Variants in CACNA1H observed in about 807,000 individuals in gnomAD.
CACNA1H encodes the protein calcium voltage-gated channel subunit alpha1 H.
A neutral mutation model predicts 192.5 loss-of-function variants in CACNA1H; 149 were observed. The observed-to-expected ratio is 0.77, with a 90% CI of 0.68 to 0.89. CACNA1H has a LOEUF of 0.89. CACNA1H is among the 40% of genes least tolerant of loss of function. CACNA1H has a pLI of 0.00. For missense variants in CACNA1H, 4,257 were observed against 3,423.5 expected (o/e 1.24, Z -6.08); for synonymous variants, 2,202 against 1,475.2 (o/e 1.49, Z -11.29).
chr16:1,194,589 G>A (rs879387794), intron 2 of CACNA1H, among the ~76,000 whole-genome samples: 40 of 152,332 alleles, frequency 2.6e-4, no homozygotes, highest in Non-Finnish European at 5.6e-4. Context: ...GCCCCCCAGC[G>A]CGGGAGCCCT....
In CACNA1H at chr16:1,200,176, C is replaced by A. The variant is rs1052053167; in HGVS notation, c.804-80C>A. 20 of 1,193,330 alleles carry A rather than the reference C, an allele frequency of 1.7e-5. No individual in the cohort carries two copies. The African/African-American group carries it at 2.5e-4, about 15-fold the overall frequency. 73.9% of individuals were successfully genotyped at this position (1,193,330 alleles called of 1,614,324 possible). On this transcript the variant is annotated intron_variant, in intron 6 of 34. Transcript: ENST00000348261. ...TCACGTCCCTGACCTTGATCACGTC[C>A]CTGATCACAATCGTGCCCCCGACTC...
intron 2 of CACNA1H, among the ~76,000 whole-genome samples, chr16:1,184,977 C>T (rs921088383): frequency 5.9e-5 from 9 of 152,186 alleles, no homozygotes; most frequent in Non-Finnish European, 8.8e-5. Flanking sequence ...TGAACCATCA[C>T]CTCTGCCTAG....
chr16:1,157,315 C>T (rs1426164213), intron 2 of CACNA1H: 1 of 152,228 alleles, frequency 6.6e-6, no homozygotes. Flanking sequence ...TCCAAACACC[C>T]CGTGTCACGG....
At chr16:1,188,766 C>T (rs1435828785) in intron 2 of CACNA1H, among the ~76,000 whole-genome samples, 2 of 152,192 alleles carry the variant, frequency 1.3e-5, no homozygotes, top group African/African-American at 4.8e-5. Context: ...CTCTGTGTTT[C>T]CGGCCAGGAG....
intron 26 of CACNA1H, among the ~76,000 whole-genome samples, chr16:1,213,202 G>C (rs1181531253): frequency 1.3e-5 from 2 of 152,204 alleles, no homozygotes; most frequent in African/African-American, 2.4e-5. Flanking sequence ...GAGGTACTTG[G>C]GCTGGTGGCC....
chr16:1,202,990 A>G (rs1968169976), intron 9 of CACNA1H, among the ~76,000 whole-genome samples: 1 of 151,922 alleles, frequency 6.6e-6, no homozygotes, highest in Non-Finnish European at 1.5e-5. Context: ...GGGAGACTCC[A>G]GGGCCCCCAG....
Position 1,198,646 on chromosome 16 carries a change from T to C in CACNA1H, c.675T>C (p.Asp225=). Residue 225 remains aspartate (D), a synonymous_variant, in exon 6 of 35, where the codon GAT becomes GAC. Coordinates refer to ENST00000348261, the MANE Select transcript of CACNA1H (RefSeq NM_021098.3). ...GGATCCTGGTCACTCTGCTGCTGGA[T>C]ACGCTGCCCATGCTCGGGAACGTCC... ...SMRILVTLLL[D]TLPMLGNVLL... The C allele has an allele frequency of 6.2e-7, 1 of 1,613,394 alleles. No individual in the cohort carries two copies. The highest frequency in any genetic ancestry group is 8.5e-7 in the Non-Finnish European group (1 of 1,179,626).
intron 2 of CACNA1H, among the ~76,000 whole-genome samples, chr16:1,178,308 C>T (rs554008179): frequency 7.0e-6 from 1 of 143,012 alleles, no homozygotes; most frequent in Admixed American, 6.9e-5. Context: ...TCCCCCACGG[C>T]CTCCCCAGCC....
intron 2 of CACNA1H, among the ~76,000 whole-genome samples, chr16:1,163,581 C>T (rs1963445815): frequency 1.3e-5 from 2 of 152,256 alleles, no homozygotes; most frequent in African/African-American, 2.4e-5. Flanking sequence ...ACGGTCCCTG[C>T]CCTGGTCTTT....
At position 1,220,103 on chromosome 16, in the gene CACNA1H, C is replaced by T. The variant is rs1394038948; in HGVS notation, c.6171C>T (p.Ser2057=). Residue 2057 remains serine, a synonymous_variant, in exon 35 of 35, where the codon TCC becomes TCT. Transcript: ENST00000348261. ...TGACCCAGGGGGGCTCCCTGCAGTCCCCACCACGCTCCCCACGGCCCGCCA... is the reference window on the plus strand; with the variant it reads ...TGACCCAGGGGGGCTCCCTGCAGTCTCCACCACGCTCCCCACGGCCCGCCA... ...RPVTQGGSLQ[S]PPRSPRPASV... 6.7e-7 allele frequency: 1 copy of T among 1,485,248 alleles called. No homozygotes were observed. Among genetic ancestry groups the T allele is most frequent in the Non-Finnish European group, 8.9e-7 (1 of 1,120,116 alleles). The allele number at this position is 1,485,248 out of a possible 1,614,324, so 92.0% of individuals were successfully genotyped here.
At chr16:1,184,628 G>A (rs1272911107) in intron 2 of CACNA1H, among the ~76,000 whole-genome samples, 3 of 152,264 alleles carry the variant, frequency 2.0e-5, no homozygotes, top group African/African-American at 7.2e-5. Context: ...AGGGTGCCAG[G>A]AGTTGTCACG....
Position 1,211,299 on chromosome 16 carries a change from GT to G in CACNA1H, c.4350+6del. On this transcript the variant is annotated splice_donor_region_variant and intron_variant, in intron 22 of 34. Transcript: ENST00000348261. ...TTTGGCATTTTGGGTGTGCAGGTGT[GT>G]GGCCCCCACGTGCCCGGGGGTCTGC... is the stretch of plus-strand genomic sequence containing the variant. 1.2e-6 allele frequency: 2 copies of G among 1,612,864 alleles called. No homozygotes were observed. The highest frequency in any genetic ancestry group is 1.7e-6 in the Non-Finnish European group (2 of 1,179,672).
chr16:1,193,664 G>A lies in CACNA1H; in HGVS notation c.300-1308G>A, dbSNP rs376472687. 7.2e-5 allele frequency among the ~76,000 whole-genome samples: 11 copies of A among 152,326 alleles called. No homozygotes were observed. In the East Asian group the frequency reaches 1.7e-3, roughly 24 times the overall value. On this transcript the variant is annotated intron_variant, in intron 2 of 34. Coordinates refer to ENST00000348261, the MANE Select transcript of CACNA1H (RefSeq NM_021098.3). Reference sequence around the variant, plus strand: ...TGTTACAGCAGAGGCGCCTGTTACCGCTGAACCCATTAAGTGTAATTACCG... The same window carrying A: ...TGTTACAGCAGAGGCGCCTGTTACCACTGAACCCATTAAGTGTAATTACCG...
intron 2 of CACNA1H, among the ~76,000 whole-genome samples, chr16:1,183,231 G>A (rs1041976943): frequency 1.3e-5 from 2 of 152,148 alleles, no homozygotes; most frequent in Non-Finnish European, 2.9e-5. Context: ...TGGCCTCTGG[G>A]ACCCCTGACG....
intron 2 of CACNA1H, among the ~76,000 whole-genome samples, chr16:1,169,431 G>A (rs761057749): frequency 2.6e-5 from 4 of 152,190 alleles, no homozygotes; most frequent in Non-Finnish European, 4.4e-5. Flanking sequence ...AGGGGCATTC[G>A]CCTTGGTCCT....
In CACNA1H at chr16:1,153,818, G is replaced by T; in HGVS notation, c.81G>T (p.Gly27=). The change falls in exon 2 of 35, where the codon GGG becomes GGT. Residue 27 remains glycine, a synonymous_variant. Transcript: ENST00000348261. The part of the protein sequence containing the change: ...APPPGPAALV[G]ASPESPGAPG... ...CCCCTGGCCCTGCGGCGTTGGTGGG[G>T]GCGTCCCCGGAGAGCCCCGGGGCGC... The T allele has an allele frequency of 7.9e-7, 1 of 1,273,484 alleles. No homozygotes were observed. 78.9% of individuals were successfully genotyped at this position (1,273,484 alleles called of 1,614,324 possible).
intron 2 of CACNA1H, among the ~76,000 whole-genome samples, chr16:1,190,889 G>T (rs1043369693): frequency 1.7e-4 from 25 of 149,864 alleles, no homozygotes; most frequent in African/African-American, 6.0e-4. Context: ...TGACCCAGCA[G>T]GCTGGCCTGG....
At chr16:1,195,327 G>A (rs1390058125) in intron 3 of CACNA1H, 105 bp from the exon 4 acceptor site, 25 of 1,431,610 alleles carry the variant, frequency 1.7e-5, no homozygotes, top group African/African-American at 1.3e-4. Flanking sequence ...GGGGCGGGGC[G>A]AGGGGTGTGG....
intron 3 of CACNA1H, 109 bp from the exon 4 acceptor site, chr16:1,195,323 G>T: frequency 2.1e-6 from 3 of 1,423,566 alleles, no homozygotes; most frequent in Non-Finnish European, 2.8e-6. Context: ...GGCAGGGGCG[G>T]GGCGAGGGGT....
Sources: gnomAD v4.1 joint callset for allele counts (sites outside exome capture counted in the v4.1 genomes callset) on GRCh38, gnomAD v4.1.1 for gene constraint, MANE v1.5 for transcripts, NCBI Gene and HGNC (gene_info 2026-07-23, HGNC 2026-07-21) for gene names.